The following KLHL29 variants were observed in gnomAD, a reference collection of about 807,000 sequenced individuals.
KLHL29 encodes the protein kelch like family member 29.
A neutral mutation model predicts 80.4 loss-of-function variants in KLHL29; 21 were observed. The observed-to-expected ratio is 0.26, with a 90% CI of 0.19 to 0.38. The LOEUF (loss-of-function observed/expected upper bound fraction) is 0.38. Ranked by LOEUF, KLHL29 falls within the 10% of genes least tolerant of loss-of-function variation. The pLI is 1.00. For missense variants in KLHL29, 867 were observed against 1,223.9 expected (o/e 0.71, Z 4.35); for synonymous variants, 511 against 526.8 (o/e 0.97, Z 0.41).
At chr2:23,497,358 G>T (rs953321855) in intron 2 of KLHL29, among the ~76,000 whole-genome samples, 4 of 152,180 alleles carry the variant, frequency 2.6e-5, no homozygotes, top group South Asian at 2.1e-4. Context: ...GGAGCCGAGG[G>T]TTTCCTGGGG....
intron 6 of KLHL29, chr2:23,685,521 G>C (rs1195601242): frequency 6.6e-6 from 1 of 152,336 alleles, no homozygotes; most frequent in African/African-American, 2.4e-5. Context: ...TAACCCCGGA[G>C]TGACTGTGTT....
intron 1 of KLHL29, among the ~76,000 whole-genome samples, chr2:23,421,816 G>A (rs1308222477): frequency 2.6e-5 from 4 of 151,638 alleles, no homozygotes; most frequent in Non-Finnish European, 5.9e-5. Flanking sequence ...ATTTGTCTGT[G>A]TGTATGTACA....
At chr2:23,449,581 G>C (rs1005240578) in intron 1 of KLHL29, among the ~76,000 whole-genome samples, 1 of 152,164 alleles carries the variant, frequency 6.6e-6, no homozygotes, top group African/African-American at 2.4e-5. Context: ...AGTCCAGCCA[G>C]TGTGTTCTTA....
chr2:23,537,828 T>C (rs537510352), intron 2 of KLHL29, among the ~76,000 whole-genome samples: 2 of 152,238 alleles, frequency 1.3e-5, no homozygotes, highest in East Asian at 3.9e-4. Flanking sequence ...AAGGAGCTCA[T>C]TGGATCCTGG....
chr2:23,444,916 C>A (rs1663629456), intron 1 of KLHL29, among the ~76,000 whole-genome samples: 1 of 152,040 alleles, frequency 6.6e-6, no homozygotes, highest in African/African-American at 2.4e-5. Context: ...TAAGGTTTAC[C>A]CCCCTTTTAA....
At chr2:23,395,033 T>C (rs76186685) in intron 1 of KLHL29, among the ~76,000 whole-genome samples, 6,504 of 152,324 alleles carry the variant, frequency 0.043, 452 homozygotes, top group African/African-American at 0.15. Context: ...ATCATGGTCC[T>C]TGAAGGCAAG....
intron 1 of KLHL29, among the ~76,000 whole-genome samples, chr2:23,414,217 C>G (rs1299712243): frequency 6.6e-6 from 1 of 152,192 alleles, no homozygotes; most frequent in Non-Finnish European, 1.5e-5. Context: ...CGAGAGGAGA[C>G]AAAGTGGATC....
chr2:23,550,722 A>G (rs1481219919), intron 2 of KLHL29, among the ~76,000 whole-genome samples: 2 of 152,226 alleles, frequency 1.3e-5, no homozygotes, highest in African/African-American at 4.8e-5. Context: ...TTTGGCAGCC[A>G]AATAGAGAGA....
chr2:23,485,406 C>G (rs1315685891), intron 2 of KLHL29, among the ~76,000 whole-genome samples: 1 of 152,214 alleles, frequency 6.6e-6, no homozygotes, highest in Non-Finnish European at 1.5e-5. Context: ...CCACACCCAT[C>G]AAGGCAGCTA....
At chr2:23,703,934 AT>A (rs1447239709) in intron 13 of KLHL29, 71 bp downstream of exon 13, 1 of 1,440,514 alleles carries the variant, frequency 6.9e-7, no homozygotes, top group Non-Finnish European at 9.2e-7. Flanking sequence ...GACCACAATG[AT>A]TTCCTGCCAT....
intron 2 of KLHL29, among the ~76,000 whole-genome samples, chr2:23,493,639 G>A (rs1163951095): frequency 1.3e-5 from 2 of 152,082 alleles, no homozygotes; most frequent in East Asian, 3.9e-4. Flanking sequence ...GGGCGTGTGT[G>A]TGTGAGTGTG....
At chr2:23,539,431 CCTTTTTTTTTT>C (rs1223645663) in intron 2 of KLHL29, among the ~76,000 whole-genome samples, 1 of 107,216 alleles carries the variant, frequency 9.3e-6, no homozygotes, top group African/African-American at 3.6e-5. Flanking sequence ...TATCCTGCCT[CCTTTTTTTTTT>C]TTTTTTTTTT....
At chr2:23,550,296 A>G (rs975587094) in intron 2 of KLHL29, among the ~76,000 whole-genome samples, 2 of 152,064 alleles carry the variant, frequency 1.3e-5, no homozygotes, top group Admixed American at 1.3e-4. Flanking sequence ...GGCCTGACTC[A>G]TGGAGTGGAG....
rs118000534 is a variant in KLHL29 at position 23,503,722 on chromosome 2, G to A, written c.-46+28055G>A. Among the ~76,000 whole-genome samples the A allele has an allele frequency of 1.6e-3, 241 of 152,342 alleles. 7 individuals are homozygous for A. The East Asian group carries it at 0.037, about 24-fold the overall frequency. Reference sequence around the variant, plus strand: ...AAATAGGGCCACAGGTGACAAGTGAGTTCTGTGACCCTGACCGGCAGCAGC... The same window carrying A: ...AAATAGGGCCACAGGTGACAAGTGAATTCTGTGACCCTGACCGGCAGCAGC... On this transcript the variant is annotated intron_variant, in intron 2 of 13. Transcript: ENST00000486442. This position sits in a 1 kb window ranked among gnomAD's most constrained non-coding sequence, Gnocchi z 4.0.
chr2:23,625,731 A>C (rs1347107492), intron 3 of KLHL29, among the ~76,000 whole-genome samples: 1 of 152,242 alleles, frequency 6.6e-6, no homozygotes, highest in Admixed American at 6.5e-5. Context: ...TGCCCCCAGC[A>C]AATTCACAGG....
chr2:23,635,703 A>T (rs549657071), intron 3 of KLHL29, among the ~76,000 whole-genome samples: 2 of 152,352 alleles, frequency 1.3e-5, no homozygotes, highest in African/African-American at 4.8e-5. Context: ...AGGCCTGATG[A>T]TGGGCAGATA....
chr2:23,584,027 C>T (rs1439129069), intron 3 of KLHL29, among the ~76,000 whole-genome samples: 1 of 152,188 alleles, frequency 6.6e-6, no homozygotes, highest in African/African-American at 2.4e-5. Context: ...GGAACTGGTT[C>T]CAGTGATCCA....
chr2:23,546,201 G>A (rs975714562), intron 2 of KLHL29, among the ~76,000 whole-genome samples: 3 of 152,226 alleles, frequency 2.0e-5, no homozygotes, highest in Non-Finnish European at 4.4e-5. Flanking sequence ...ATGTGACTGT[G>A]GGCAGGGAAT....
chr2:23,569,960 G>A (rs1444986094), intron 3 of KLHL29, among the ~76,000 whole-genome samples: 1 of 152,188 alleles, frequency 6.6e-6, no homozygotes, highest in Non-Finnish European at 1.5e-5. Context: ...GAGAGGAGCT[G>A]ATGTAACTTA....
Sources: gnomAD v4.1 joint callset for allele counts (sites outside exome capture counted in the v4.1 genomes callset) on GRCh38, gnomAD v4.1.1 for gene constraint, Gnocchi (gnomAD v3.1) non-coding constraint, MANE v1.5 for transcripts, NCBI Gene and HGNC (gene_info 2026-07-23, HGNC 2026-07-21) for gene names.